KCNQ5: variants seen among roughly 807,000 people sequenced by gnomAD.
KCNQ5 encodes the protein potassium voltage-gated channel subfamily Q member 5, also known as potassium voltage-gated channel subfamily KQT member 5.
KCNQ5 carries 30 observed loss-of-function variants against 98.2 expected under a neutral mutation model. The observed-to-expected ratio is 0.31, with a 90% confidence interval of 0.23 to 0.41. KCNQ5 has a LOEUF of 0.41. Ranked by LOEUF, KCNQ5 falls within the 10% of genes least tolerant of loss-of-function variation. KCNQ5 has a pLI of 1.00. For missense variants in KCNQ5, 835 were observed against 1,182.5 expected (o/e 0.71, Z 4.31); for synonymous variants, 458 against 449.4 (o/e 1.02, Z -0.24).
chr6:72,964,022 G>C (rs1767495689), intron 1 of KCNQ5, among the ~76,000 whole-genome samples: 1 of 152,102 alleles, frequency 6.6e-6, no homozygotes, highest in Non-Finnish European at 1.5e-5. Context: ...ATGAGTTTCA[G>C]TGCCTTGTTT....
Position 73,165,934 on chromosome 6 carries a change from C to CA in KCNQ5, c.1469-3804dup, listed in dbSNP as rs1244528276. Among the ~76,000 whole-genome samples, 14 of 144,306 alleles carry CA rather than the reference C, an allele frequency of 9.7e-5. 1 individual carries two copies. Among genetic ancestry groups the CA allele is most frequent in the African/African-American group, 2.3e-4 (9 of 38,972 alleles). 94.7% of individuals were successfully genotyped at this position (144,306 alleles called of 152,430 possible). On this transcript the variant is annotated intron_variant, in intron 10 of 13. Coordinates refer to ENST00000370398, the MANE Select transcript of KCNQ5 (RefSeq NM_019842.4). ...CACTTGAGCCTGGGTGACTCCGTCT[C>CA]AAAAAAAAGAAAAAAAAAGAGAGAG...
chr6:73,096,868 C>A (rs1427895083), intron 5 of KCNQ5, among the ~76,000 whole-genome samples: 1 of 152,004 alleles, frequency 6.6e-6, no homozygotes, highest in Non-Finnish European at 1.5e-5. Flanking sequence ...CATGGTGAAA[C>A]CCTGTCTCTA....
intron 1 of KCNQ5, among the ~76,000 whole-genome samples, chr6:72,748,841 G>A (rs910462691): frequency 6.6e-6 from 1 of 152,258 alleles, no homozygotes; most frequent in South Asian, 2.1e-4. Flanking sequence ...TTGCATTTAG[G>A]CAAATCATAA....
chr6:72,714,079 C>T (rs912648216), intron 1 of KCNQ5, among the ~76,000 whole-genome samples: 14 of 152,180 alleles, frequency 9.2e-5, no homozygotes, highest in Non-Finnish European at 1.6e-4. Flanking sequence ...TTACCCATTA[C>T]ACAGACTTCA....
chr6:72,739,973 C>A (rs760525010), intron 1 of KCNQ5, among the ~76,000 whole-genome samples: 2 of 152,158 alleles, frequency 1.3e-5, no homozygotes. Context: ...CACAGATTCT[C>A]GAGGTCAGGA....
intron 1 of KCNQ5, among the ~76,000 whole-genome samples, chr6:72,655,472 A>G (rs1766142005): frequency 6.6e-6 from 1 of 152,130 alleles, no homozygotes; most frequent in African/African-American, 2.4e-5. Flanking sequence ...TGGTTGAGAG[A>G]GAGCAAGAAG....
chr6:72,800,422 T>C (rs547096442), intron 1 of KCNQ5, among the ~76,000 whole-genome samples: 32 of 152,346 alleles, frequency 2.1e-4, no homozygotes, highest in African/African-American at 7.7e-4. Context: ...TAGAGGTGTT[T>C]GTAGTATTCT....
At chr6:72,628,627 T>G (rs6937341) in intron 1 of KCNQ5, among the ~76,000 whole-genome samples, 60,770 of 151,912 alleles carry the variant, frequency 0.4, 13,062 homozygotes, top group Middle Eastern at 0.51. Flanking sequence ...TTTGTTAGTT[T>G]GAGATGGAGC....
chr6:72,914,232 C>T (rs1439024202), intron 1 of KCNQ5, among the ~76,000 whole-genome samples: 2 of 152,004 alleles, frequency 1.3e-5, no homozygotes, highest in African/African-American at 4.8e-5. Flanking sequence ...ATAAAGAAAC[C>T]ATGGCATATG....
At chr6:73,149,598 C>G (rs1236262095) in intron 10 of KCNQ5, among the ~76,000 whole-genome samples, 1 of 152,056 alleles carries the variant, frequency 6.6e-6, no homozygotes, top group African/African-American at 2.4e-5. Flanking sequence ...GAGTTCAAGA[C>G]CAGCCTGGCC....
chr6:72,681,832 T>C (rs968511874), intron 1 of KCNQ5, among the ~76,000 whole-genome samples: 6 of 152,226 alleles, frequency 3.9e-5, no homozygotes, highest in Non-Finnish European at 8.8e-5. Context: ...TTCTGACTTA[T>C]AGAATATGGA....
intron 9 of KCNQ5, chr6:73,125,305 G>C: frequency 2.7e-6 from 1 of 366,262 alleles, no homozygotes; most frequent in South Asian, 2.2e-5. Flanking sequence ...AAAATTTCTT[G>C]ATCTGTGTTA....
At chr6:73,061,676 TG>T (rs1193546409) in intron 3 of KCNQ5, among the ~76,000 whole-genome samples, 3 of 152,246 alleles carry the variant, frequency 2.0e-5, no homozygotes, top group Non-Finnish European at 4.4e-5. Flanking sequence ...CTTTATTATT[TG>T]CCTTAATTTG....
chr6:72,818,031 T>G (rs190047581), intron 1 of KCNQ5, among the ~76,000 whole-genome samples: 16 of 152,292 alleles, frequency 1.1e-4, no homozygotes, highest in African/African-American at 3.4e-4. Flanking sequence ...CAGTAGGATA[T>G]GTAACACTAT....
At chr6:73,076,820 T>C (rs1773562853) in intron 3 of KCNQ5, among the ~76,000 whole-genome samples, 1 of 152,160 alleles carries the variant, frequency 6.6e-6, no homozygotes, top group African/African-American at 2.4e-5. Flanking sequence ...TGCAAACTTA[T>C]TTGGCAGGAA....
In KCNQ5 at chr6:72,736,756, C is replaced by T. The variant is rs564509535; in HGVS notation, c.398+114169C>T. Among the ~76,000 whole-genome samples, 857 of 151,750 alleles carry T rather than the reference C, an allele frequency of 5.6e-3. 6 individuals are homozygous for T. The highest frequency in any genetic ancestry group is 0.02 in the African/African-American group (817 of 41,322). ...CCTCGTGATCCGCCCGCCTCGGCCT[C>T]CCAAAGTGCTGGGATTACAGGCGTG... On this transcript the variant is annotated intron_variant, in intron 1 of 13. Transcript: ENST00000370398.
At chr6:72,670,754 C>T (rs1767062532) in intron 1 of KCNQ5, among the ~76,000 whole-genome samples, 5 of 152,144 alleles carry the variant, frequency 3.3e-5, no homozygotes, top group Admixed American at 3.3e-4. Flanking sequence ...TCTCTCGTGT[C>T]TCTTCTTATA....
At chr6:73,040,425 C>G (rs746773298) in intron 2 of KCNQ5, among the ~76,000 whole-genome samples, 7 of 152,230 alleles carry the variant, frequency 4.6e-5, no homozygotes, top group African/African-American at 7.2e-5. Context: ...AGTATGTTTT[C>G]CATATTTGGA....
intron 1 of KCNQ5, among the ~76,000 whole-genome samples, chr6:72,737,361 G>C (rs966372680): frequency 2.0e-5 from 3 of 152,170 alleles, no homozygotes; most frequent in Non-Finnish European, 4.4e-5. Flanking sequence ...ATACGTAATT[G>C]TTATGATATG....
Sources: allele counts gnomAD v4.1 joint callset (sites outside exome capture counted in the v4.1 genomes callset), GRCh38; gene constraint gnomAD v4.1.1; transcripts MANE v1.5; gene names NCBI Gene and HGNC (gene_info 2026-07-23, HGNC 2026-07-21).